ANKH: variants seen among roughly 807,000 people sequenced by gnomAD.
The protein encoded by ANKH is ANKH inorganic pyrophosphate transport regulator, also known as mineralization regulator ANKH.
A neutral mutation model predicts 49.0 loss-of-function variants in ANKH; 15 were observed. The observed-to-expected ratio is 0.31, with a 90% CI of 0.20 to 0.47. The LOEUF (loss-of-function observed/expected upper bound fraction) is 0.47, where lower values mean the gene tolerates loss of function less well. Ranked by LOEUF, ANKH falls within the 20% of genes least tolerant of loss-of-function variation. The probability of loss-of-function intolerance (pLI) is 1.00; values close to 1 mark genes in which losing one functional copy is unlikely to be tolerated. For synonymous variants in ANKH, 273 were observed against 260.0 expected, an observed-to-expected ratio of 1.05 and a Z score of -0.48; for missense variants, 429 against 652.0, an observed-to-expected ratio of 0.66 and a Z score of 3.72.
chr5:14,758,022 G>A (rs772145182), intron 3 of ANKH, among the ~76,000 whole-genome samples: 42 of 152,190 alleles, frequency 2.8e-4, no homozygotes, highest in Non-Finnish European at 5.1e-4. Flanking sequence ...TGGAAGCAAC[G>A]CAAGTGTCCA....
intron 1 of ANKH, among the ~76,000 whole-genome samples, chr5:14,782,961 T>C (rs1739855299): frequency 6.6e-6 from 1 of 152,136 alleles, no homozygotes. Context: ...CAGAGTGTAT[T>C]ATACAAGGAT....
At chr5:14,787,217 G>C (rs982510304) in intron 1 of ANKH, among the ~76,000 whole-genome samples, 1 of 152,142 alleles carries the variant, frequency 6.6e-6, no homozygotes, top group African/African-American at 2.4e-5. Context: ...GGGAAGCTGA[G>C]GCAGGAGAAT....
At chr5:14,846,804 C>T (rs1741973003) in intron 1 of ANKH, among the ~76,000 whole-genome samples, 1 of 151,762 alleles carries the variant, frequency 6.6e-6, no homozygotes, top group African/African-American at 2.4e-5. Flanking sequence ...CCAGCCTGGC[C>T]AACATGGTAA....
chr5:14,811,950 G>C (rs1159638012), intron 1 of ANKH, among the ~76,000 whole-genome samples: 2 of 152,046 alleles, frequency 1.3e-5, no homozygotes, highest in African/African-American at 4.8e-5. Context: ...TGGCTCATTA[G>C]AAGCACCTTT....
At chr5:14,759,065 C>A (rs1462204357) in intron 2 of ANKH, among the ~76,000 whole-genome samples, 7 of 152,188 alleles carry the variant, frequency 4.6e-5, no homozygotes, top group African/African-American at 1.7e-4. Context: ...AATGTTTACA[C>A]ATATTCTTAA....
chr5:14,836,776 T>C (rs958515420), intron 1 of ANKH, among the ~76,000 whole-genome samples: 1 of 152,088 alleles, frequency 6.6e-6, no homozygotes, highest in Non-Finnish European at 1.5e-5. Flanking sequence ...TACTTTAAAG[T>C]TCATATGGAA....
At chr5:14,793,053 T>TAAAA (rs1580072412) in intron 1 of ANKH, among the ~76,000 whole-genome samples, 1 of 50,986 alleles carries the variant, frequency 2.0e-5, no homozygotes, top group Non-Finnish European at 3.9e-5. Context: ...TATATAAATA[T>TAAAA]ATATAAAATA....
chr5:14,857,272 G>A (rs970023653), intron 1 of ANKH, among the ~76,000 whole-genome samples: 1 of 152,158 alleles, frequency 6.6e-6, no homozygotes, highest in African/African-American at 2.4e-5. Flanking sequence ...CTCCCCACAA[G>A]TATGCCTAGC....
At chr5:14,761,198 G>A (rs549286416) in intron 2 of ANKH, among the ~76,000 whole-genome samples, 1 of 152,224 alleles carries the variant, frequency 6.6e-6, no homozygotes, top group African/African-American at 2.4e-5. Context: ...CTCTCAGAAG[G>A]AACCGCCCCT....
intron 4 of ANKH, among the ~76,000 whole-genome samples, chr5:14,751,533 A>T (rs560653202): frequency 1.2e-4 from 18 of 152,360 alleles, no homozygotes; most frequent in African/African-American, 4.3e-4. Context: ...TACTTTAAAA[A>T]AATTTATGCA....
rs1013800730 is a variant in ANKH at position 14,708,779 on chromosome 5, C to A, written c.*2418G>T. On this transcript the variant is annotated 3_prime_UTR_variant, in exon 12 of 12. Transcript: ENST00000284268. ...ATTGCTTCCTGTGTTCTCAGAAACT[C>A]TAACCAAATATTATGGCCCACTGAT... 2.0e-5 allele frequency: 3 copies of A among 152,198 alleles called. No individual in the cohort carries two copies. The highest frequency in any genetic ancestry group is 7.2e-5 in the African/African-American group (3 of 41,434). The allele number at this position is 152,198 out of a possible 1,614,324, so 9.4% of individuals were successfully genotyped here. A position where few individuals can be genotyped will look rare whatever the true frequency, so the allele number is the denominator to read the frequency against.
At position 14,712,861 on chromosome 5, in the gene ANKH, G is replaced by A. The variant is rs377704922; in HGVS notation, c.1365+13C>T. On this transcript the variant is annotated intron_variant, in intron 11 of 11. Transcript: ENST00000284268. Reference sequence around the variant, plus strand: ...ATGCACCCGGGAGGAGGCTCCCGGCGCGGCTGTCTCACCTGCTTCCGGTAG... The same window carrying A: ...ATGCACCCGGGAGGAGGCTCCCGGCACGGCTGTCTCACCTGCTTCCGGTAG... The A allele has an allele frequency of 1.1e-4, 177 of 1,594,330 alleles. No individual in the cohort carries two copies. The highest frequency in any genetic ancestry group is 1.1e-4 in the Non-Finnish European group (124 of 1,170,790).
In ANKH at chr5:14,871,534, AGCGGGGCGC is replaced by A. The variant is rs1735828394; in HGVS notation, c.-96_-88del. The A allele has an allele frequency of 1.1e-6, 1 of 920,700 alleles. No individual in the cohort carries two copies. The highest frequency in any genetic ancestry group is 4.1e-4 in the Middle Eastern group (1 of 2,422). The allele number at this position is 920,700 out of a possible 1,614,324, so 57.0% of individuals were successfully genotyped here. A position where few individuals can be genotyped will look rare whatever the true frequency, so the allele number is the denominator to read the frequency against. On this transcript the variant is annotated 5_prime_UTR_variant, in exon 1 of 12. Coordinates refer to ENST00000284268, the MANE Select transcript of ANKH (RefSeq NM_054027.6). ...CGAGGGGCGACGGGGCGACGGGGCG[AGCGGGGCGC>A]GGGCCGACAGAGGCCGCGGGCGGCG...
At chr5:14,829,184 C>CAAAAAAAAAAAAAAAAAAAAAAAAAAA (rs56223225) in intron 1 of ANKH, among the ~76,000 whole-genome samples, 1 of 106,022 alleles carries the variant, frequency 9.4e-6, no homozygotes. Context: ...GACTCTGTCT[C>CAAAAAAAAAAAAAAAAAAAAAAAAAAA]AAAAAAAAAA....
Position 14,745,675 on chromosome 5 carries a change from A to G in ANKH, c.915+195T>C, listed in dbSNP as rs899845365. 3.3e-5 allele frequency among the ~76,000 whole-genome samples: 5 copies of G among 152,254 alleles called. No homozygotes were observed. Among genetic ancestry groups the G allele is most frequent in the Non-Finnish European group, 5.9e-5 (4 of 68,036 alleles). On this transcript the variant is annotated intron_variant, in intron 7 of 11. Coordinates refer to ENST00000284268, the MANE Select transcript of ANKH (RefSeq NM_054027.6). The surrounding 1 kb of genome is among the most constrained non-coding windows in gnomAD (Gnocchi z 4.7). ...CACTTTGGAAAAGCATCCTGGGATC[A>G]GCGTCAAAGGTAAGCTTCAACTTGC... is the stretch of plus-strand genomic sequence containing the variant.
At chr5:14,755,787 A>G (rs1738865424) in intron 4 of ANKH, 74 bp downstream of exon 4, 1 of 1,394,368 alleles carries the variant, frequency 7.2e-7, no homozygotes. Context: ...GTGAATGAAT[A>G]TAAATCACAC....
At chr5:14,756,519 C>T (rs182239240) in intron 3 of ANKH, among the ~76,000 whole-genome samples, 12 of 152,300 alleles carry the variant, frequency 7.9e-5, no homozygotes, top group East Asian at 3.9e-4. Context: ...AAGTTCATGA[C>T]GGGCTCTGTT....
At position 14,709,309 on chromosome 5, in the gene ANKH, A is replaced by T. The variant is rs1239337573; in HGVS notation, c.*1888T>A. The T allele has an allele frequency of 6.6e-6, 1 of 151,622 alleles. No homozygotes were observed. Among genetic ancestry groups the T allele is most frequent in the Admixed American group, 6.6e-5 (1 of 15,186 alleles). The allele number at this position is 151,622 out of a possible 1,614,324, so 9.4% of individuals were successfully genotyped here. ...CTTTAAAAAAAGCTGATACATTGAG[A>T]TTTTTTTTTAATCTTCTCAGATCTG... is the stretch of plus-strand genomic sequence containing the variant. On this transcript the variant is annotated 3_prime_UTR_variant, in exon 12 of 12. Transcript: ENST00000284268.
At chr5:14,795,252 G>A (rs1368669528) in intron 1 of ANKH, among the ~76,000 whole-genome samples, 1 of 151,996 alleles carries the variant, frequency 6.6e-6, no homozygotes, top group African/African-American at 2.4e-5. Context: ...AAAAGAGAGT[G>A]GAAAAAATTT....
Sources: gnomAD v4.1 joint callset for allele counts (sites outside exome capture counted in the v4.1 genomes callset) on GRCh38, gnomAD v4.1.1 for gene constraint, Gnocchi (gnomAD v3.1) non-coding constraint, MANE v1.5 for transcripts, NCBI Gene and HGNC (gene_info 2026-07-23, HGNC 2026-07-21) for gene names.